HBS1L: variants seen among roughly 807,000 people sequenced by gnomAD.
HBS1L encodes HBS1-like protein.
A neutral mutation model predicts 88.9 loss-of-function variants in HBS1L; 55 were observed. That is an observed-to-expected ratio of 0.62 (90% confidence interval 0.50 to 0.77). The LOEUF (loss-of-function observed/expected upper bound fraction) is 0.77. Ranked by LOEUF, HBS1L falls within the 30% of genes least tolerant of loss-of-function variation. The pLI is 0.00. For missense variants in HBS1L, 741 were observed against 829.3 expected, an observed-to-expected ratio of 0.89 and a Z score of 1.31; for synonymous variants, 267 against 288.5, an observed-to-expected ratio of 0.93 and a Z score of 0.76.
chr6:134,970,196 G>T (rs1028582708), intron 15 of HBS1L, among the ~76,000 whole-genome samples: 2 of 151,978 alleles, frequency 1.3e-5, no homozygotes, highest in African/African-American at 4.8e-5. Flanking sequence ...GCAGTGGTGC[G>T]ATCTCAGCTC....
At chr6:135,014,851 C>CAAAAAAAAAAAAAAAAAAAAAAAAA (rs57153800) in intron 4 of HBS1L, among the ~76,000 whole-genome samples, 1 of 85,380 alleles carries the variant, frequency 1.2e-5, no homozygotes, top group African/African-American at 4.5e-5. Flanking sequence ...ACTGTCTCTA[C>CAAAAAAAAAAAAAAAAAAAAAAAAA]AAAAAAAAAA....
intron 3 of HBS1L, among the ~76,000 whole-genome samples, chr6:135,040,682 C>T (rs118129860): frequency 0.015 from 2,345 of 152,026 alleles, 32 homozygotes; most frequent in Middle Eastern, 0.048. Flanking sequence ...AAATTTAAGT[C>T]TGGAATTATC....
chr6:135,027,312 C>T (rs1014554826), intron 4 of HBS1L: 3 of 149,940 alleles, frequency 2.0e-5, no homozygotes, highest in African/African-American at 7.4e-5. Context: ...CAGAGAACTA[C>T]ACTGGGCCAC....
intron 5 of HBS1L, among the ~76,000 whole-genome samples, chr6:134,999,622 A>G (rs1300011915): frequency 6.6e-6 from 1 of 151,508 alleles, no homozygotes; most frequent in Non-Finnish European, 1.5e-5. Flanking sequence ...TAATTTTTGT[A>G]TTTTTAGTAG....
intron 6 of HBS1L, 108 bp downstream of exon 6, chr6:134,997,289 C>T: frequency 7.5e-7 from 1 of 1,327,010 alleles, no homozygotes; most frequent in Non-Finnish European, 1.1e-6. Flanking sequence ...CCTCCTTGCT[C>T]TCTGTCCATT....
chr6:135,037,083 A>G, intron 4 of HBS1L: 1 of 1,551,704 alleles, frequency 6.4e-7, no homozygotes, highest in East Asian at 2.4e-5. Flanking sequence ...TTGTTTCTGC[A>G]ATCAATTCAG....
intron 5 of HBS1L, 193 bp downstream of exon 5, chr6:135,002,541 C>T (rs1775490966): frequency 7.3e-6 from 3 of 408,566 alleles, no homozygotes; most frequent in East Asian, 7.8e-5. Context: ...AAGTAATACA[C>T]ACAAGATAAG....
intron 4 of HBS1L, among the ~76,000 whole-genome samples, chr6:135,015,618 G>A (rs565054446): frequency 2.6e-5 from 4 of 152,210 alleles, no homozygotes; most frequent in Non-Finnish European, 5.9e-5. Context: ...GTCTCGTTCT[G>A]TTGCCCAGGC....
chr6:135,016,112 C>T (rs1398742365), intron 4 of HBS1L, among the ~76,000 whole-genome samples: 1 of 152,050 alleles, frequency 6.6e-6, no homozygotes, highest in Non-Finnish European at 1.5e-5. Context: ...TCTCGAACTC[C>T]CAACCTCAGG....
chr6:135,031,748 C>T (rs1776389251), intron 4 of HBS1L, among the ~76,000 whole-genome samples: 1 of 152,012 alleles, frequency 6.6e-6, no homozygotes, highest in Admixed American at 6.5e-5. Flanking sequence ...TTATATCCTG[C>T]AACTAAACTG....
intron 4 of HBS1L, among the ~76,000 whole-genome samples, chr6:135,023,234 G>A (rs1022353908): frequency 1.3e-5 from 2 of 152,128 alleles, no homozygotes; most frequent in South Asian, 2.1e-4. Context: ...CACGAGGTCA[G>A]GAGATCGAGA....
intron 4 of HBS1L, among the ~76,000 whole-genome samples, chr6:135,011,709 A>G (rs1035508740): frequency 6.6e-6 from 1 of 152,162 alleles, no homozygotes; most frequent in Non-Finnish European, 1.5e-5. Context: ...GTTCGAGACC[A>G]GTCTAGCCAA....
chr6:134,971,104 TA>T (rs35043222), intron 15 of HBS1L, among the ~76,000 whole-genome samples: 186 of 143,186 alleles, frequency 1.3e-3, no homozygotes, highest in Admixed American at 1.5e-3. Flanking sequence ...CTCATTCAAT[TA>T]AAAAAAAAAA....
chr6:135,049,232 A>G (rs1046227930), intron 2 of HBS1L, among the ~76,000 whole-genome samples: 1 of 152,210 alleles, frequency 6.6e-6, no homozygotes, highest in Non-Finnish European at 1.5e-5. Context: ...GCTCACAGAC[A>G]GCACCTACTT....
intron 4 of HBS1L, among the ~76,000 whole-genome samples, chr6:135,018,566 C>T (rs1391743931): frequency 6.6e-6 from 1 of 151,846 alleles, no homozygotes; most frequent in Non-Finnish European, 1.5e-5. Flanking sequence ...CTAATACATG[C>T]AATGAATTTA....
chr6:134,963,580 T>G lies in HBS1L; in HGVS notation c.*1699A>C, dbSNP rs1774233500. 1 of 152,214 alleles carries G rather than the reference T, an allele frequency of 6.6e-6. No individual in the cohort carries two copies. The highest frequency in any genetic ancestry group is 1.5e-5 in the Non-Finnish European group (1 of 68,084). 9.4% of individuals were successfully genotyped at this position (152,214 alleles called of 1,614,324 possible). On this transcript the variant is annotated 3_prime_UTR_variant, in exon 18 of 18. Coordinates refer to ENST00000367837, the MANE Select transcript of HBS1L (RefSeq NM_006620.4). ...ACAGGCATGTGGCACCACACCCAGC[T>G]GATCTGTTTTTAAATTTTTTCTGTA...
chr6:135,049,345 C>T (rs60633050), intron 2 of HBS1L, among the ~76,000 whole-genome samples: 6,430 of 152,146 alleles, frequency 0.042, 435 homozygotes, highest in African/African-American at 0.14. Flanking sequence ...GCCTAATCAC[C>T]TCCCCTCCCA....
Position 134,965,009 on chromosome 6 carries a change from T to C in HBS1L, c.*270A>G, listed in dbSNP as rs1260920116. The C allele has an allele frequency of 2.0e-6, 1 of 488,626 alleles. No homozygotes were observed. Among genetic ancestry groups the C allele is most frequent in the African/African-American group, 2.0e-5 (1 of 49,838 alleles). 30.3% of individuals were successfully genotyped at this position (488,626 alleles called of 1,614,324 possible). On this transcript the variant is annotated 3_prime_UTR_variant, in exon 18 of 18. Transcript: ENST00000367837. The stretch of plus-strand genomic sequence containing the variant: ...TATCTTCAGATACTATTTTTGACAC[T>C]TGCCATAAATCTTAGCAAAGTAAAT...
intron 16 of HBS1L, 148 bp from the exon 17 acceptor site, chr6:134,966,621 AT>A: frequency 1.8e-6 from 1 of 550,790 alleles, no homozygotes; most frequent in Non-Finnish European, 3.0e-6. Context: ...ATGAAAATAT[AT>A]GTCTTTGGAC....
Sources: allele counts gnomAD v4.1 joint callset (sites outside exome capture counted in the v4.1 genomes callset), GRCh38; gene constraint gnomAD v4.1.1; transcripts MANE v1.5; gene names NCBI Gene and HGNC (gene_info 2026-07-23, HGNC 2026-07-21).